The following ZBTB20 variants were observed in gnomAD, a reference collection of about 807,000 sequenced individuals.
ZBTB20 encodes the protein zinc finger and BTB domain containing 20, also known as zinc finger and BTB domain-containing protein 20.
In ZBTB20, 9 loss-of-function variants were observed where a neutral mutation model predicts 56.9. The ratio of observed to expected loss-of-function variants is 0.16; its 90% confidence interval spans 0.10 to 0.28. The LOEUF (loss-of-function observed/expected upper bound fraction) is 0.28. ZBTB20 is among the 10% of genes least tolerant of loss of function. The pLI, the probability that ZBTB20 is intolerant of heterozygous loss-of-function variation, is 1.00. For synonymous variants in ZBTB20, 417 were observed against 420.7 expected (o/e 0.99, Z 0.11); for missense variants, 655 against 1,003.0 (o/e 0.65, Z 4.69).
intron 6 of ZBTB20, among the ~76,000 whole-genome samples, chr3:114,548,766 G>A (rs1247437873): frequency 6.6e-6 from 1 of 152,054 alleles, no homozygotes; most frequent in African/African-American, 2.4e-5. Flanking sequence ...TGATCCACCT[G>A]CCTCAGCCTC....
chr3:114,914,037 C>A (rs56316227), intron 3 of ZBTB20, among the ~76,000 whole-genome samples: 5,386 of 151,946 alleles, frequency 0.035, 152 homozygotes, highest in Middle Eastern at 0.068. Flanking sequence ...TCTTTTTGCT[C>A]AGGATATCTT....
At chr3:114,562,346 G>A (rs952466998) in intron 6 of ZBTB20, among the ~76,000 whole-genome samples, 41 of 151,988 alleles carry the variant, frequency 2.7e-4, no homozygotes, top group African/African-American at 9.4e-4. Flanking sequence ...TGTATTTTTA[G>A]TAGAGACGGG....
In ZBTB20 at chr3:114,993,017, C is replaced by G. The variant is rs1430195139; in HGVS notation, c.-506-18601G>C. On this transcript the variant is annotated intron_variant, in intron 2 of 11. Transcript: ENST00000675478. Reference sequence around the variant, plus strand: ...TCACAGAGAAAACAACTTTCTTCACCTGAGAATGAGCTAACCATAGGATCA... The same window carrying G: ...TCACAGAGAAAACAACTTTCTTCACGTGAGAATGAGCTAACCATAGGATCA... Among the ~76,000 whole-genome samples, 6 of 151,878 alleles carry G rather than the reference C, an allele frequency of 4.0e-5. No individual in the cohort carries two copies. In the South Asian group the frequency reaches 1.2e-3, roughly 31 times the overall value.
chr3:114,403,641 G>A (rs2087021632), intron 7 of ZBTB20, among the ~76,000 whole-genome samples: 1 of 151,820 alleles, frequency 6.6e-6, no homozygotes, highest in South Asian at 2.1e-4. Context: ...CAACACTCAG[G>A]ATATGTCTGA....
At chr3:114,745,416 C>G (rs2066963413) in intron 5 of ZBTB20, among the ~76,000 whole-genome samples, 1 of 152,144 alleles carries the variant, frequency 6.6e-6, no homozygotes. Flanking sequence ...GAGGGAGTTC[C>G]TCTTACACAT....
rs1003977738 is a variant in ZBTB20, at chr3:114,321,510, T to C, written c.*17495A>G. On this transcript the variant is annotated 3_prime_UTR_variant, in exon 12 of 12. Coordinates refer to ENST00000675478, the MANE Select transcript of ZBTB20 (RefSeq NM_001348800.3). Reference sequence around the variant, plus strand: ...CTTGCCTTCAATAAAGCAGAGAAGGTGTGCAAAGTTTCAATGGCAGGGGCT... The same window carrying C: ...CTTGCCTTCAATAAAGCAGAGAAGGCGTGCAAAGTTTCAATGGCAGGGGCT... 6.6e-6 allele frequency: 1 copy of C among 152,126 alleles called. No homozygotes were observed. The highest frequency in any genetic ancestry group is 2.4e-5 in the African/African-American group (1 of 41,402). The allele number at this position is 152,126 out of a possible 1,614,324, so 9.4% of individuals were successfully genotyped here.
intron 3 of ZBTB20, among the ~76,000 whole-genome samples, chr3:114,906,403 A>G (rs1251216791): frequency 6.6e-6 from 1 of 151,762 alleles, no homozygotes; most frequent in Non-Finnish European, 1.5e-5. Flanking sequence ...ATGAAGGTAT[A>G]GTACCTAGAA....
intron 7 of ZBTB20, among the ~76,000 whole-genome samples, chr3:114,416,704 T>G (rs1197411609): frequency 6.6e-6 from 1 of 152,064 alleles, no homozygotes; most frequent in Non-Finnish European, 1.5e-5. Flanking sequence ...TTACTGCACA[T>G]AATCAGTCCC....
intron 4 of ZBTB20, among the ~76,000 whole-genome samples, chr3:114,822,216 G>C (rs1403294015): frequency 6.6e-6 from 1 of 152,042 alleles, no homozygotes; most frequent in African/African-American, 2.4e-5. Flanking sequence ...TTTCAAGGTA[G>C]AGCAGTAAAA....
intron 5 of ZBTB20, among the ~76,000 whole-genome samples, chr3:114,776,038 T>C (rs2069583779): frequency 6.6e-6 from 1 of 150,866 alleles, no homozygotes; most frequent in Non-Finnish European, 1.5e-5. Context: ...TTTTCTTTTT[T>C]TTTTTTTTTT....
chr3:114,692,802 A>T (rs2062778332), intron 6 of ZBTB20, among the ~76,000 whole-genome samples: 1 of 152,146 alleles, frequency 6.6e-6, no homozygotes, highest in Non-Finnish European at 1.5e-5. Flanking sequence ...TCTTTTTGAA[A>T]CTTTACAAAC....
intron 1 of ZBTB20, among the ~76,000 whole-genome samples, chr3:115,118,877 T>G (rs772745169): frequency 6.6e-5 from 10 of 152,084 alleles, no homozygotes; most frequent in African/African-American, 9.6e-5. Flanking sequence ...TGAAACAAAT[T>G]AAAGAAAATA....
intron 6 of ZBTB20, among the ~76,000 whole-genome samples, chr3:114,629,862 T>C (rs1451533334): frequency 6.6e-6 from 1 of 152,086 alleles, no homozygotes; most frequent in Non-Finnish European, 1.5e-5. Context: ...TTAAAGAATA[T>C]AAGAATAACA....
intron 9 of ZBTB20, 23 bp downstream of exon 9, chr3:114,380,753 GA>G: frequency 6.7e-7 from 1 of 1,498,522 alleles, no homozygotes; most frequent in South Asian, 1.3e-5. Context: ...ACATGGTCTG[GA>G]AAAATACTAG....
At chr3:114,709,147 G>GA (rs1455223603) in intron 5 of ZBTB20, among the ~76,000 whole-genome samples, 1 of 152,040 alleles carries the variant, frequency 6.6e-6, no homozygotes, top group Non-Finnish European at 1.5e-5. Flanking sequence ...TTCCTGCTTA[G>GA]AAAAAATACC....
At chr3:114,746,384 T>C (rs1172400529) in intron 5 of ZBTB20, among the ~76,000 whole-genome samples, 1 of 151,052 alleles carries the variant, frequency 6.6e-6, no homozygotes, top group Non-Finnish European at 1.5e-5. Flanking sequence ...TTTGTTTTTG[T>C]TTTTTTTTAA....
At chr3:114,577,328 C>T in intron 6 of ZBTB20, among the ~76,000 whole-genome samples, 1 of 151,738 alleles carries the variant, frequency 6.6e-6, no homozygotes, top group Admixed American at 6.6e-5. Context: ...TTGCCACAAG[C>T]CTTCAGTTTG....
intron 6 of ZBTB20, among the ~76,000 whole-genome samples, chr3:114,562,286 T>C (rs2052168027): frequency 6.6e-6 from 1 of 151,756 alleles, no homozygotes; most frequent in African/African-American, 2.4e-5. Context: ...TGCCTCAGCC[T>C]CCTGAGTAGC....
At chr3:115,081,143 G>C (rs1560556207) in intron 1 of ZBTB20, among the ~76,000 whole-genome samples, 1 of 151,942 alleles carries the variant, frequency 6.6e-6, no homozygotes. Context: ...TAAACAACTG[G>C]GTATTAAAGG....
Sources: allele counts gnomAD v4.1 joint callset (sites outside exome capture counted in the v4.1 genomes callset), GRCh38; gene constraint gnomAD v4.1.1; transcripts MANE v1.5; gene names NCBI Gene and HGNC (gene_info 2026-07-23, HGNC 2026-07-21).